PITHD1: variants seen among roughly 807,000 people sequenced by gnomAD.
PITHD1 encodes the protein PITH domain containing 1, also known as PITH domain-containing protein 1.
PITHD1 carries 8 observed loss-of-function variants against 27.5 expected under a neutral mutation model. The ratio of observed to expected loss-of-function variants is 0.29; its 90% confidence interval spans 0.17 to 0.52. PITHD1 has a LOEUF of 0.52. PITHD1 is among the 20% of genes least tolerant of loss of function. The probability of loss-of-function intolerance (pLI) is 0.96; values close to 1 mark genes in which losing one functional copy is unlikely to be tolerated. For synonymous variants in PITHD1, 118 were observed against 106.8 expected, an observed-to-expected ratio of 1.10 and a Z score of -0.64; for missense variants, 233 against 283.9, an observed-to-expected ratio of 0.82 and a Z score of 1.29.
chr1:23,781,404 A>G (rs1392548268), intron 3 of PITHD1, among the ~76,000 whole-genome samples: 5 of 151,204 alleles, frequency 3.3e-5, no homozygotes, highest in Non-Finnish European at 7.4e-5. Flanking sequence ...TGCAGGTTGC[A>G]GTGAGCCAAG....
chr1:23,783,332 T>C (rs1036509059), intron 3 of PITHD1, among the ~76,000 whole-genome samples: 29 of 148,260 alleles, frequency 2.0e-4, no homozygotes, highest in African/African-American at 6.8e-4. Flanking sequence ...TATATACACA[T>C]ATATGTGTAT....
rs1638683120 is a variant in PITHD1, at chr1:23,786,390, C to A, written c.501C>A (p.Val167=). 6.2e-7 allele frequency: 1 copy of A among 1,602,666 alleles called. No individual in the cohort carries two copies. The highest frequency in any genetic ancestry group is 1.3e-5 in the African/African-American group (1 of 74,650). The part of the protein sequence containing the change: ...SKNFGADTTK[V]FYIGLRGEWT... ...ACTTCGGAGCAGATACGACAAAGGT[C>A]TTTTATATTGGCCTGAGAGGAGAGT... The change falls in exon 5 of 6, where the codon GTC becomes GTA. Residue 167 remains valine, a synonymous_variant. Coordinates refer to ENST00000246151, the MANE Select transcript of PITHD1 (RefSeq NM_020362.5).
intron 3 of PITHD1, among the ~76,000 whole-genome samples, chr1:23,783,398 C>T (rs1422151524): frequency 8.4e-5 from 6 of 71,572 alleles, no homozygotes; most frequent in East Asian, 3.3e-4. Flanking sequence ...TACATATATA[C>T]GCATATATAC....
intron 3 of PITHD1, among the ~76,000 whole-genome samples, chr1:23,782,912 T>A (rs1179891779): frequency 6.6e-6 from 1 of 151,712 alleles, no homozygotes; most frequent in Non-Finnish European, 1.5e-5. Flanking sequence ...CAAAAAAAAA[T>A]TTAAAAAAGT....
chr1:23,780,088 G>T, intron 3 of PITHD1, 147 bp downstream of exon 3: 2 of 610,230 alleles, frequency 3.3e-6, no homozygotes. Flanking sequence ...TTCTGCATTG[G>T]AATACATATA....
chr1:23,784,408 T>A (rs2148401527), intron 3 of PITHD1, among the ~76,000 whole-genome samples: 1 of 151,876 alleles, frequency 6.6e-6, no homozygotes, highest in African/African-American at 2.4e-5. Flanking sequence ...GCCCGGCTAA[T>A]TTTTTGTATT....
At chr1:23,785,309 A>G (rs777997096) in intron 3 of PITHD1, 1 of 168,940 alleles carries the variant, frequency 5.9e-6, no homozygotes, top group Non-Finnish European at 1.3e-5. Flanking sequence ...CATTGCCAAC[A>G]TGGTGAAACC....
intron 3 of PITHD1, among the ~76,000 whole-genome samples, chr1:23,781,384 A>T (rs2148399818): frequency 6.6e-6 from 1 of 150,790 alleles, no homozygotes; most frequent in African/African-American, 2.4e-5. Flanking sequence ...AATCACTTGA[A>T]CCGCGGAGGT....
intron 2 of PITHD1, 89 bp downstream of exon 2, chr1:23,779,570 A>G (rs1243003027): frequency 9.9e-7 from 1 of 1,014,974 alleles, no homozygotes; most frequent in Admixed American, 1.8e-5. Flanking sequence ...AAGAGCACAC[A>G]TTTGCTTCTA....
chr1:23,785,728 A>C lies in PITHD1; in HGVS notation c.374A>C (p.Gln125Pro). ...GATGATACAGAAAGGGAGCCAGATC[A>C]GACCTTTAGTCTGAACCGGGATCTT... ...SFDDTEREPDQTFSLNRDLTG... is the reference protein window; with the variant it reads ...SFDDTEREPDPTFSLNRDLTG... Residue 125 changes from glutamine (Q) to proline (P), a missense_variant, in exon 4 of 6, where the codon CAG becomes CCG. Transcript: ENST00000246151. The C allele has an allele frequency of 1.2e-6, 2 of 1,611,186 alleles. No homozygotes were observed. The highest frequency in any genetic ancestry group is 1.7e-6 in the Non-Finnish European group (2 of 1,177,316).
chr1:23,788,169 T>C lies in PITHD1; in HGVS notation c.*793T>C, dbSNP rs890945921. 3 of 152,236 alleles carry C rather than the reference T, an allele frequency of 2.0e-5. No individual in the cohort carries two copies. Among genetic ancestry groups the C allele is most frequent in the African/African-American group, 7.2e-5 (3 of 41,470 alleles). 9.4% of individuals were successfully genotyped at this position (152,236 alleles called of 1,614,324 possible). On this transcript the variant is annotated 3_prime_UTR_variant, in exon 6 of 6. Coordinates refer to ENST00000246151, the MANE Select transcript of PITHD1 (RefSeq NM_020362.5). ...TGCCAGAATTTGGAGATTTGAGTTC[T>C]TCTTTTCATGGCTTTTATTCACTGT...
At chr1:23,778,772 C>T in intron 1 of PITHD1, 59 bp downstream of exon 1, 1 of 1,004,928 alleles carries the variant, frequency 1.0e-6, no homozygotes, top group Non-Finnish European at 1.3e-6. Flanking sequence ...CTCGGGCCGT[C>T]GGTCTACTCA....
intron 3 of PITHD1, 106 bp from the exon 4 acceptor site, chr1:23,785,569 C>G (rs1314519368): frequency 1.8e-6 from 1 of 563,544 alleles, no homozygotes; most frequent in African/African-American, 2.0e-5. Flanking sequence ...CAAATTCAGT[C>G]TCCTATTGAT....
At chr1:23,786,570 T>C in intron 5 of PITHD1, 147 bp downstream of exon 5, 1 of 316,852 alleles carries the variant, frequency 3.2e-6, no homozygotes, top group Non-Finnish European at 6.0e-6. Flanking sequence ...AAACTTTTCG[T>C]CTCATTTGAG....
At chr1:23,783,989 C>T (rs1035112932) in intron 3 of PITHD1, among the ~76,000 whole-genome samples, 2 of 152,002 alleles carry the variant, frequency 1.3e-5, no homozygotes, top group Non-Finnish European at 2.9e-5. Flanking sequence ...ATCTCCATAC[C>T]AACCGTGTGG....
rs137909239 is a variant in PITHD1 at position 23,786,338 on chromosome 1, A to G, written c.449A>G (p.Tyr150Cys). 9.5e-6 allele frequency: 15 copies of G among 1,581,632 alleles called. No individual in the cohort carries two copies. The highest frequency in any genetic ancestry group is 8.1e-5 in the African/African-American group (6 of 74,412). ...ATKISRFSNV[Y>C]HLSIHISKNF... ...AGAATTTCTCGTTTTTCAAATGTCT[A>G]TCATCTCTCAATTCATATTTCAAAA... is the stretch of plus-strand genomic sequence containing the variant. Residue 150 changes from tyrosine (Y) to cysteine (C), a missense_variant, in exon 5 of 6, where the codon TAT becomes TGT. By Grantham distance (194) the Tyr-to-Cys change is radical. Coordinates refer to ENST00000246151, the MANE Select transcript of PITHD1 (RefSeq NM_020362.5).
At position 23,779,874 on chromosome 1, in the gene PITHD1, A is replaced by C; in HGVS notation, c.253A>C (p.Asn85His). The change falls in exon 3 of 6, where the codon AAT becomes CAT. Residue 85 changes from asparagine (N) to histidine (H), a missense_variant. By Grantham distance (68) the Asn-to-His change is moderately conservative. Transcript: ENST00000246151. ...TTTGCATTCTGGCAGATTTACGGGCAATGTCAAGCTCAAAGGCATCATTAT... is the reference window on the plus strand; with the variant it reads ...TTTGCATTCTGGCAGATTTACGGGCCATGTCAAGCTCAAAGGCATCATTAT... ...ELLFNIPFTG[N>H]VKLKGIIIMG... 1.2e-6 allele frequency: 2 copies of C among 1,613,152 alleles called. No individual in the cohort carries two copies. Among genetic ancestry groups the C allele is most frequent in the Non-Finnish European group, 8.5e-7 (1 of 1,179,124 alleles).
At position 23,788,179 on chromosome 1, in the gene PITHD1, G is replaced by T. The variant is rs1474892278; in HGVS notation, c.*803G>T. On this transcript the variant is annotated 3_prime_UTR_variant, in exon 6 of 6. Transcript: ENST00000246151. ...TGGAGATTTGAGTTCTTCTTTTCAT[G>T]GCTTTTATTCACTGTGACTAATAAG... The T allele has an allele frequency of 6.6e-6, 1 of 152,140 alleles. No homozygotes were observed. The highest frequency in any genetic ancestry group is 1.5e-5 in the Non-Finnish European group (1 of 68,030). 9.4% of individuals were successfully genotyped at this position (152,140 alleles called of 1,614,324 possible). A position where few individuals can be genotyped will look rare whatever the true frequency, so the allele number is the denominator to read the frequency against.
At chr1:23,779,608 T>G (rs1638566057) in intron 2 of PITHD1, 127 bp downstream of exon 2, 1 of 802,556 alleles carries the variant, frequency 1.2e-6, no homozygotes, top group Non-Finnish European at 2.2e-6. Flanking sequence ...TTTGGTGGGT[T>G]TGAGGAGGAA....
Sources: allele counts gnomAD v4.1 joint callset (sites outside exome capture counted in the v4.1 genomes callset), GRCh38; gene constraint gnomAD v4.1.1; transcripts MANE v1.5; gene names NCBI Gene and HGNC (gene_info 2026-07-23, HGNC 2026-07-21).